HCN1: variants seen among roughly 807,000 people sequenced by gnomAD.
HCN1 encodes the protein potassium/sodium hyperpolarization-activated cyclic nucleotide-gated channel 1.
In HCN1, 13 loss-of-function variants were observed where a neutral mutation model predicts 78.9. That is an observed-to-expected ratio of 0.16 (90% CI 0.11 to 0.26). The LOEUF (loss-of-function observed/expected upper bound fraction) is 0.26, where lower values mean the gene tolerates loss of function less well. Among genes scored for constraint, HCN1 ranks in the 10% least tolerant of loss-of-function variants. HCN1 has a pLI of 1.00. For synonymous variants in HCN1, 552 were observed against 455.5 expected (o/e 1.21, Z -2.70); for missense variants, 810 against 1,154.3 (o/e 0.70, Z 4.32).
At chr5:45,566,364 C>T (rs1432326265) in intron 2 of HCN1, among the ~76,000 whole-genome samples, 1 of 152,060 alleles carries the variant, frequency 6.6e-6, no homozygotes, top group Non-Finnish European at 1.5e-5. Flanking sequence ...ATCAAATACT[C>T]ATTTTTCATT....
chr5:45,363,145 C>CATATATATATATATATAT (rs34074894), intron 4 of HCN1, among the ~76,000 whole-genome samples: 12 of 131,286 alleles, frequency 9.1e-5, no homozygotes, highest in African/African-American at 3.6e-4. Flanking sequence ...TATATATATA[C>CATATATATATATATATAT]ATATATATAT....
At chr5:45,520,062 G>T (rs180675918) in intron 2 of HCN1, among the ~76,000 whole-genome samples, 11 of 152,072 alleles carry the variant, frequency 7.2e-5, no homozygotes, top group Non-Finnish European at 8.8e-5. Flanking sequence ...TATGAATAAA[G>T]ATATGGGCAT....
intron 2 of HCN1, among the ~76,000 whole-genome samples, chr5:45,565,609 G>A (rs1262360186): frequency 6.6e-6 from 1 of 151,986 alleles, no homozygotes; most frequent in Non-Finnish European, 1.5e-5. Context: ...AATTGCTTAA[G>A]CCCAGGAGTT....
chr5:45,417,357 T>C (rs1740137950), intron 3 of HCN1, among the ~76,000 whole-genome samples: 1 of 151,948 alleles, frequency 6.6e-6, no homozygotes, highest in African/African-American at 2.4e-5. Context: ...AAGCCATTTT[T>C]CATCAGTATT....
At chr5:45,583,282 A>G (rs1257185117) in intron 2 of HCN1, among the ~76,000 whole-genome samples, 1 of 152,070 alleles carries the variant, frequency 6.6e-6, no homozygotes, top group Non-Finnish European at 1.5e-5. Context: ...GAATTTATCC[A>G]TTTCTTCTAG....
intron 3 of HCN1, among the ~76,000 whole-genome samples, chr5:45,453,945 G>A (rs1230857183): frequency 6.6e-6 from 1 of 151,984 alleles, no homozygotes; most frequent in African/African-American, 2.4e-5. Flanking sequence ...GTTAGATAAG[G>A]TAATTTCATG....
intron 4 of HCN1, among the ~76,000 whole-genome samples, chr5:45,355,149 T>G (rs1016108847): frequency 6.6e-6 from 1 of 152,068 alleles, no homozygotes; most frequent in African/African-American, 2.4e-5. Context: ...AGAGAGTATT[T>G]GACTAAATGA....
At chr5:45,359,047 A>T (rs1747061954) in intron 4 of HCN1, among the ~76,000 whole-genome samples, 1 of 152,120 alleles carries the variant, frequency 6.6e-6, no homozygotes, top group African/African-American at 2.4e-5. Context: ...GTATAAAAGC[A>T]TCAATGATTG....
intron 2 of HCN1, among the ~76,000 whole-genome samples, chr5:45,476,303 G>T (rs1741513525): frequency 6.6e-6 from 1 of 152,016 alleles, no homozygotes; most frequent in African/African-American, 2.4e-5. Flanking sequence ...CTCCAGAACT[G>T]TAAGAAATCA....
chr5:45,314,221 A>G (rs1745924375), intron 5 of HCN1, among the ~76,000 whole-genome samples: 1 of 152,138 alleles, frequency 6.6e-6, no homozygotes, highest in African/African-American at 2.4e-5. Context: ...ACATTCTTAA[A>G]GAAAGAATTT....
chr5:45,286,985 C>A (rs908191626), intron 6 of HCN1, among the ~76,000 whole-genome samples: 2 of 151,736 alleles, frequency 1.3e-5, no homozygotes, highest in African/African-American at 4.8e-5. Context: ...AGAAGTGTCT[C>A]CATGGATAAT....
chr5:45,574,866 A>G (rs989944157), intron 2 of HCN1: 2 of 152,224 alleles, frequency 1.3e-5, no homozygotes, highest in African/African-American at 4.8e-5. Flanking sequence ...TCCCTAAGCC[A>G]AGTCCTAATC....
intron 3 of HCN1, among the ~76,000 whole-genome samples, chr5:45,454,839 T>A (rs374158660): frequency 2.6e-5 from 4 of 152,230 alleles, no homozygotes; most frequent in East Asian, 3.9e-4. Context: ...TATGTGAGCT[T>A]ACATATGAAT....
At chr5:45,331,534 T>A (rs1166468751) in intron 5 of HCN1, among the ~76,000 whole-genome samples, 3 of 151,406 alleles carry the variant, frequency 2.0e-5, no homozygotes, top group Non-Finnish European at 4.4e-5. Context: ...GACTTATTAA[T>A]ATTTTACTTC....
intron 5 of HCN1, among the ~76,000 whole-genome samples, chr5:45,309,376 T>C (rs1745803881): frequency 6.6e-6 from 1 of 152,106 alleles, no homozygotes; most frequent in Non-Finnish European, 1.5e-5. Context: ...CTTTCCTAAT[T>C]GCTATGGCCA....
At chr5:45,602,358 GAGAC>G (rs1161108556) in intron 2 of HCN1, among the ~76,000 whole-genome samples, 2 of 152,060 alleles carry the variant, frequency 1.3e-5, no homozygotes, top group African/African-American at 4.8e-5. Flanking sequence ...GACACACAAA[GAGAC>G]GTCATGGATG....
chr5:45,534,541 A>G lies in HCN1; in HGVS notation c.850-72534T>C, dbSNP rs191882611. On this transcript the variant is annotated intron_variant, in intron 2 of 7. Coordinates refer to ENST00000303230, the MANE Select transcript of HCN1 (RefSeq NM_021072.4). ...GGCTCCTGAAGTGTATAATGTCATA[A>G]CTATTAATAATATGTACAATATGTC... 3.2e-4 allele frequency among the ~76,000 whole-genome samples: 48 copies of G among 151,816 alleles called. 1 individual carries two copies. In the East Asian group the frequency reaches 7.2e-3, roughly 23 times the overall value.
At chr5:45,287,105 G>C (rs1258780099) in intron 6 of HCN1, among the ~76,000 whole-genome samples, 1 of 151,782 alleles carries the variant, frequency 6.6e-6, no homozygotes, top group African/African-American at 2.4e-5. Context: ...GTGTCTGTGT[G>C]TGTGTGTGTA....
At chr5:45,469,538 C>T (rs1049681178) in intron 2 of HCN1, among the ~76,000 whole-genome samples, 1 of 151,828 alleles carries the variant, frequency 6.6e-6, no homozygotes, top group Non-Finnish European at 1.5e-5. Context: ...ATCTTTGAAC[C>T]TCATTTTAAT....
Sources: allele counts gnomAD v4.1 joint callset (sites outside exome capture counted in the v4.1 genomes callset), GRCh38; gene constraint gnomAD v4.1.1; transcripts MANE v1.5; gene names NCBI Gene and HGNC (gene_info 2026-07-23, HGNC 2026-07-21).